A1CF: variants seen among roughly 807,000 people sequenced by gnomAD.
A1CF encodes the protein APOBEC1 complementation factor.
A1CF carries 48 observed loss-of-function variants against 68.9 expected under a neutral mutation model. The observed-to-expected ratio is 0.70, with a 90% CI of 0.55 to 0.89. A1CF has a LOEUF of 0.89. Ranked by LOEUF, A1CF falls within the 40% of genes least tolerant of loss-of-function variation. A1CF has a pLI of 0.00. For synonymous variants in A1CF, 272 were observed against 260.4 expected (o/e 1.04, Z -0.43); for missense variants, 653 against 718.9 (o/e 0.91, Z 1.05).
chr10:50,852,795 A>C (rs991573675), intron 3 of A1CF, among the ~76,000 whole-genome samples: 2 of 152,174 alleles, frequency 1.3e-5, no homozygotes, highest in African/African-American at 4.8e-5. Context: ...AGATGAAGCC[A>C]ATTAGTAAAC....
intron 10 of A1CF, 62 bp downstream of exon 10, chr10:50,813,795 A>G: frequency 6.5e-7 from 1 of 1,544,280 alleles, no homozygotes; most frequent in Non-Finnish European, 8.9e-7. Flanking sequence ...ATCATTTGAT[A>G]AAAGTGAATG....
chr10:50,840,433 A>C (rs1175410229), intron 5 of A1CF, among the ~76,000 whole-genome samples: 1 of 152,180 alleles, frequency 6.6e-6, no homozygotes, highest in Non-Finnish European at 1.5e-5. Context: ...ACTTGGTGGC[A>C]CTCAAATGAA....
At chr10:50,873,994 A>G (rs1165671903) in intron 1 of A1CF, among the ~76,000 whole-genome samples, 1 of 152,220 alleles carries the variant, frequency 6.6e-6, no homozygotes, top group Non-Finnish European at 1.5e-5. Context: ...ATATGTATAT[A>G]TCTGTGTATA....
intron 10 of A1CF, among the ~76,000 whole-genome samples, chr10:50,813,144 C>A (rs1369476933): frequency 6.6e-6 from 1 of 152,216 alleles, no homozygotes; most frequent in African/African-American, 2.4e-5. Context: ...CAGCACCTAT[C>A]ACACTCCCAC....
At chr10:50,845,483 C>T (rs911296456) in intron 3 of A1CF, among the ~76,000 whole-genome samples, 8 of 152,140 alleles carry the variant, frequency 5.3e-5, no homozygotes, top group Non-Finnish European at 1.0e-4. Context: ...CAGTTATTAT[C>T]CCATTTACAT....
intron 1 of A1CF, among the ~76,000 whole-genome samples, chr10:50,882,914 C>T (rs1385409272): frequency 6.6e-6 from 1 of 152,148 alleles, no homozygotes; most frequent in Non-Finnish European, 1.5e-5. Flanking sequence ...ATGAAATGAG[C>T]ATGCACTGTG....
At position 50,806,644 on chromosome 10, in the gene A1CF, C is replaced by T. The variant is rs545053736; in HGVS notation, c.*85G>A. 7.8e-7 allele frequency: 1 copy of T among 1,283,514 alleles called. No homozygotes were observed. The highest frequency in any genetic ancestry group is 1.5e-5 in the African/African-American group (1 of 65,854). 79.5% of individuals were successfully genotyped at this position (1,283,514 alleles called of 1,614,324 possible). On this transcript the variant is annotated 3_prime_UTR_variant, in exon 13 of 13. Coordinates refer to ENST00000373997, the MANE Select transcript of A1CF (RefSeq NM_014576.4). ...CTTTAGGAAACATATTATTTATGAT[C>T]ATTGGGGACCGAGTTAGAGGTTTAT...
chr10:50,843,247 A>G (rs1221640919), intron 4 of A1CF, among the ~76,000 whole-genome samples: 2 of 152,194 alleles, frequency 1.3e-5, no homozygotes, highest in African/African-American at 4.8e-5. Context: ...GATTCAGTAT[A>G]TAAGATTCTT....
At chr10:50,842,074 AACAC>A in intron 4 of A1CF, 82 bp from the exon 5 acceptor site, 11 of 1,222,250 alleles carry the variant, frequency 9.0e-6, no homozygotes, top group Non-Finnish European at 9.2e-6. Flanking sequence ...TACACACACA[AACAC>A]ACACACACAC....
chr10:50,850,679 T>G (rs1221856724), intron 3 of A1CF: 2 of 1,613,838 alleles, frequency 1.2e-6, no homozygotes, highest in Non-Finnish European at 1.7e-6. Flanking sequence ...TCCAGCAAAG[T>G]TTGCAAAATG....
intron 6 of A1CF, among the ~76,000 whole-genome samples, chr10:50,830,218 C>T (rs930461595): frequency 1.4e-4 from 21 of 152,170 alleles, no homozygotes; most frequent in African/African-American, 5.1e-4. Context: ...CACCATTCTA[C>T]ACTCTGCTTA....
rs1333324947 is a variant in A1CF, at chr10:50,837,514, T to TA, written c.366-1203dup. On this transcript the variant is annotated intron_variant, in intron 5 of 12. Transcript: ENST00000373997. ...TTTAAGGATATTTATTACTGCTCTT[T>TA]AAAATCTCCCCCAAATTGGAAATGA... is the stretch of plus-strand genomic sequence containing the variant. 3.9e-5 allele frequency among the ~76,000 whole-genome samples: 6 copies of TA among 152,364 alleles called. No homozygotes were observed. In the East Asian group the frequency reaches 1.2e-3, roughly 29 times the overall value.
chr10:50,824,312 A>G (rs1838816948), intron 7 of A1CF: 1 of 152,150 alleles, frequency 6.6e-6, no homozygotes, highest in Non-Finnish European at 1.5e-5. Context: ...ATAATCAGGG[A>G]CTAGGAAAGG....
In A1CF at chr10:50,871,875, C is replaced by T. The variant is rs138190965; in HGVS notation, c.-93-7795G>A. On this transcript the variant is annotated intron_variant, in intron 1 of 12. Transcript: ENST00000373997. The stretch of plus-strand genomic sequence containing the variant: ...TCATGGTACAGAAGGTCTTCTAAAC[C>T]AAGCATATTAAGAACCATAAATGAA... 1.1e-3 allele frequency among the ~76,000 whole-genome samples: 164 copies of T among 151,970 alleles called. 1 individual carries two copies. Among genetic ancestry groups the T allele is most frequent in the African/African-American group, 3.8e-3 (158 of 41,488 alleles).
chr10:50,857,100 AT>A (rs1286181981), intron 3 of A1CF, among the ~76,000 whole-genome samples: 1 of 152,020 alleles, frequency 6.6e-6, no homozygotes, highest in Non-Finnish European at 1.5e-5. Context: ...TGTCCTTCAG[AT>A]TTTTTTATAT....
At chr10:50,819,659 G>T (rs887860038) in intron 8 of A1CF, among the ~76,000 whole-genome samples, 1 of 152,124 alleles carries the variant, frequency 6.6e-6, no homozygotes, top group South Asian at 2.1e-4. Context: ...CGTGCATTAT[G>T]TTCCAGCCAA....
chr10:50,826,758 C>G (rs1395541397), intron 7 of A1CF, among the ~76,000 whole-genome samples: 5 of 152,110 alleles, frequency 3.3e-5, no homozygotes, highest in African/African-American at 1.2e-4. Flanking sequence ...ATCATAATGA[C>G]AGGATCAAAT....
At position 50,879,268 on chromosome 10, in the gene A1CF, T is replaced by C. The variant is rs193085863; in HGVS notation, c.-94+6313A>G. 4.9e-4 allele frequency among the ~76,000 whole-genome samples: 74 copies of C among 152,314 alleles called. 1 individual carries two copies. The highest frequency in any genetic ancestry group is 1.6e-3 in the African/African-American group (66 of 41,570). ...CACAGACCTAGCAGCCCAATTATTT[T>C]TTCCATGGGGAAAAGGGTATGTCCT... On this transcript the variant is annotated intron_variant, in intron 1 of 12. Transcript: ENST00000373997.
chr10:50,828,271 C>A lies in A1CF; in HGVS notation c.629G>T (p.Gly210Val). 6.3e-7 allele frequency: 1 copy of A among 1,579,826 alleles called. No homozygotes were observed. The highest frequency in any genetic ancestry group is 1.7e-4 in the Middle Eastern group (1 of 5,914). The part of the protein sequence containing the change: ...LPGRIQLWGH[G>V]IAVDWAEPEV... ...TGGCTCTGCCCAGTCTACTGCAATA[C>A]CATGTCCCCATAACTGAATTCTTCC... Residue 210 changes from glycine (G) to valine (V), a missense_variant, in exon 7 of 13, where the codon GGT (glycine) becomes GTT (valine). Coordinates refer to ENST00000373997, the MANE Select transcript of A1CF (RefSeq NM_014576.4).
Sources: gnomAD v4.1 joint callset for allele counts (sites outside exome capture counted in the v4.1 genomes callset) on GRCh38, gnomAD v4.1.1 for gene constraint, MANE v1.5 for transcripts, NCBI Gene and HGNC (gene_info 2026-07-23, HGNC 2026-07-21) for gene names.